Variants in ANKMY1 observed in about 807,000 individuals in gnomAD.
The protein encoded by ANKMY1 is ankyrin repeat and MYND domain containing 1.
ANKMY1 carries 98 observed loss-of-function variants against 102.0 expected under a neutral mutation model. The observed-to-expected ratio is 0.96, with a 90% CI of 0.82 to 1.14. The LOEUF (loss-of-function observed/expected upper bound fraction) is 1.14, where lower values mean the gene tolerates loss of function less well. Among genes scored for constraint, ANKMY1 ranks in the 50% most tolerant of loss-of-function variants. The pLI is 0.00. For synonymous variants in ANKMY1, 582 were observed against 559.9 expected (o/e 1.04, Z -0.56); for missense variants, 1,330 against 1,347.6 (o/e 0.99, Z 0.20).
intron 15 of ANKMY1, among the ~76,000 whole-genome samples, chr2:240,493,446 C>T (rs1400220729): frequency 5.3e-5 from 8 of 152,168 alleles, no homozygotes; most frequent in Non-Finnish European, 1.0e-4. Context: ...TCTGTATGCC[C>T]TCTTTAACAG....
At chr2:240,482,480 T>C (rs1287041986) in intron 15 of ANKMY1, among the ~76,000 whole-genome samples, 1 of 152,268 alleles carries the variant, frequency 6.6e-6, no homozygotes, top group East Asian at 1.9e-4. Context: ...AGGGAGGGGC[T>C]TCACTCTTCA....
chr2:240,552,740 G>T, intron 4 of ANKMY1, 174 bp downstream of exon 4: 4 of 993,334 alleles, frequency 4.0e-6, no homozygotes, highest in South Asian at 1.6e-5. Context: ...ATGCAAGGAG[G>T]CTTTTATTTT....
chr2:240,521,656 G>A (rs963510149), intron 8 of ANKMY1, among the ~76,000 whole-genome samples: 4 of 151,794 alleles, frequency 2.6e-5, no homozygotes, highest in Non-Finnish European at 4.4e-5. Flanking sequence ...CCGCCACCAC[G>A]CCTGGCTAAT....
chr2:240,528,631 G>T (rs925538377), intron 5 of ANKMY1, among the ~76,000 whole-genome samples: 7 of 152,074 alleles, frequency 4.6e-5, no homozygotes, highest in Non-Finnish European at 8.8e-5. Flanking sequence ...AAACGCACAG[G>T]GCCCAGGGCC....
Position 240,482,184 on chromosome 2 carries a change from G to A in ANKMY1, c.2884C>T (p.Gln962Ter). Reference sequence around the variant, plus strand: ...AACCCAGCCTGCAGACACACTTACTGCCCCTGCTCCTTCACATCCAGGCCC... The same window carrying A: ...AACCCAGCCTGCAGACACACTTACTACCCCTGCTCCTTCACATCCAGGCCC... The part of the protein sequence containing the change: ...PRGLDVKEQG[Q>*]IPFFKFCYQC... The change falls in exon 16 of 18, where the codon CAA becomes TAA. Residue 962 changes from glutamine to a stop codon, truncating the protein, a stop_gained and splice_region_variant. Coordinates refer to ENST00000401804, the MANE Select transcript of ANKMY1 (RefSeq NM_001282771.3). LOFTEE classifies it high-confidence loss of function. The A allele has an allele frequency of 1.2e-6, 2 of 1,612,460 alleles. 1 individual carries two copies. Among genetic ancestry groups the A allele is most frequent in the Non-Finnish European group, 1.7e-6 (2 of 1,179,212 alleles).
In ANKMY1 at chr2:240,528,712, A is replaced by G. The variant is rs374863042; in HGVS notation, c.953+325T>C. The stretch of plus-strand genomic sequence containing the variant: ...ACATCCCCCCACCAGGTTCTACACC[A>G]GCCTCGGGACTCCCCTGGCTGCATG... On this transcript the variant is annotated intron_variant, in intron 5 of 17. Transcript: ENST00000401804. Among the ~76,000 whole-genome samples, 15 of 152,270 alleles carry G rather than the reference A, an allele frequency of 9.9e-5. No individual in the cohort carries two copies. In the East Asian group the frequency reaches 2.3e-3, roughly 24 times the overall value.
intron 4 of ANKMY1, among the ~76,000 whole-genome samples, chr2:240,530,946 A>T (rs1371153940): frequency 1.5e-5 from 1 of 67,580 alleles, no homozygotes; most frequent in Non-Finnish European, 3.8e-5. Flanking sequence ...AAAATAAAGT[A>T]AAAAAAAAAA....
At chr2:240,500,807 G>T (rs1227589549) in intron 13 of ANKMY1, among the ~76,000 whole-genome samples, 1 of 152,182 alleles carries the variant, frequency 6.6e-6, no homozygotes, top group African/African-American at 2.4e-5. Flanking sequence ...GCTAGGCCAC[G>T]CCTCGGGGAG....
chr2:240,557,903 C>T lies in ANKMY1; in HGVS notation c.-40G>A, dbSNP rs2092575774. On this transcript the variant is annotated 5_prime_UTR_variant, in exon 1 of 18. Coordinates refer to ENST00000401804, the MANE Select transcript of ANKMY1 (RefSeq NM_001282771.3). Reference sequence around the variant, plus strand: ...CACCAAGCAAGACTCGAAGAGCTCGCGCCGGACAGCAGGGAGACCGACGGG... The same window carrying T: ...CACCAAGCAAGACTCGAAGAGCTCGTGCCGGACAGCAGGGAGACCGACGGG... The T allele has an allele frequency of 2.0e-6, 2 of 985,572 alleles. No homozygotes were observed. The highest frequency in any genetic ancestry group is 2.4e-6 in the Non-Finnish European group (2 of 830,020). 61.1% of individuals were successfully genotyped at this position (985,572 alleles called of 1,614,324 possible).
upstream of ANKMY1, chr2:240,560,996 G>A (rs761424683): frequency 6.5e-6 from 10 of 1,543,424 alleles, no homozygotes; most frequent in Non-Finnish European, 8.6e-6. Context: ...TCTACTGCAA[G>A]AACGGCCGCA....
chr2:240,547,328 T>C (rs1281405124), intron 4 of ANKMY1, among the ~76,000 whole-genome samples: 1 of 151,842 alleles, frequency 6.6e-6, no homozygotes, highest in Non-Finnish European at 1.5e-5. Context: ...AACAAAGACA[T>C]AACATACCAG....
At chr2:240,479,743 G>C in intron 17 of ANKMY1, 88 bp from the exon 18 acceptor site, 1 of 1,184,372 alleles carries the variant, frequency 8.4e-7, no homozygotes. Flanking sequence ...GGGCTGTGTG[G>C]GGCGGCTGAG....
At chr2:240,533,410 A>C (rs924530503) in intron 4 of ANKMY1, among the ~76,000 whole-genome samples, 1 of 152,236 alleles carries the variant, frequency 6.6e-6, no homozygotes, top group African/African-American at 2.4e-5. Context: ...CTAAGTATAT[A>C]ATTTAAAATT....
chr2:240,511,097 C>G (rs1031489138), intron 11 of ANKMY1, among the ~76,000 whole-genome samples: 3 of 152,148 alleles, frequency 2.0e-5, no homozygotes, highest in Non-Finnish European at 4.4e-5. Context: ...TGTTCTGAAG[C>G]AGGGAGGCCT....
chr2:240,550,409 T>C (rs751279401), intron 4 of ANKMY1, among the ~76,000 whole-genome samples: 4 of 151,248 alleles, frequency 2.6e-5, no homozygotes, highest in Non-Finnish European at 5.9e-5. Flanking sequence ...ATATACCTAA[T>C]GCTAGATGAC....
chr2:240,536,533 A>C (rs764538605), intron 4 of ANKMY1, among the ~76,000 whole-genome samples: 4 of 152,212 alleles, frequency 2.6e-5, no homozygotes, highest in Non-Finnish European at 5.9e-5. Context: ...GCTAAAACTA[A>C]AGTAACAGTG....
At chr2:240,528,773 A>G (rs2084512360) in intron 5 of ANKMY1, among the ~76,000 whole-genome samples, 2 of 152,132 alleles carry the variant, frequency 1.3e-5, no homozygotes, top group Admixed American at 6.5e-5. Context: ...CCTGTCCCCA[A>G]GAGTGGGCAG....
chr2:240,469,155 C>T, the ANKMY1 span, among the ~76,000 whole-genome samples: 12 of 152,340 alleles, frequency 7.9e-5, no homozygotes, highest in African/African-American at 2.4e-4. Context: ...CTTCCAGGCA[C>T]CACCTTGCCC....
In ANKMY1 at chr2:240,529,533, G is replaced by A. The variant is rs746300762; in HGVS notation, c.481-24C>T. 126 of 1,581,102 alleles carry A rather than the reference G, an allele frequency of 8.0e-5. No individual in the cohort carries two copies. The highest frequency in any genetic ancestry group is 2.1e-4 in the Admixed American group (12 of 56,458). On this transcript the variant is annotated intron_variant, in intron 4 of 17. Coordinates refer to ENST00000401804, the MANE Select transcript of ANKMY1 (RefSeq NM_001282771.3). The surrounding 1 kb of genome is among the most constrained non-coding windows in gnomAD (Gnocchi z 4.2). The stretch of plus-strand genomic sequence containing the variant: ...CCCTGCCAAGGAAGCGCAATAGACC[G>A]AGGAGAGATAACGCGACCCAGCTGC...
Sources: gnomAD v4.1 joint callset for allele counts (sites outside exome capture counted in the v4.1 genomes callset) on GRCh38, gnomAD v4.1.1 for gene constraint, Gnocchi (gnomAD v3.1) non-coding constraint, MANE v1.5 for transcripts, NCBI Gene and HGNC (gene_info 2026-07-23, HGNC 2026-07-21) for gene names.